TANC2: variants seen among roughly 807,000 people sequenced by gnomAD.
The protein encoded by TANC2 is protein TANC2.
In TANC2, 26 loss-of-function variants were observed where a neutral mutation model predicts 210.5. The ratio of observed to expected loss-of-function variants is 0.12; its 90% CI spans 0.09 to 0.17. The LOEUF (loss-of-function observed/expected upper bound fraction) is 0.17. TANC2 is among the 10% of genes least tolerant of loss of function. The probability of loss-of-function intolerance (pLI) is 1.00; values close to 1 mark genes in which losing one functional copy is unlikely to be tolerated. For missense variants in TANC2, 2,129 were observed against 2,608.9 expected (o/e 0.82, Z 4.01); for synonymous variants, 931 against 967.1 (o/e 0.96, Z 0.69).
intron 5 of TANC2, among the ~76,000 whole-genome samples, chr17:63,162,683 T>TAG (rs909464421): frequency 8.5e-5 from 13 of 152,074 alleles, no homozygotes; most frequent in Admixed American, 2.6e-4. Flanking sequence ...GGTAAGTAGG[T>TAG]AGATATGGTG....
chr17:63,306,828 C>T (rs1158149930), intron 9 of TANC2, among the ~76,000 whole-genome samples: 1 of 152,096 alleles, frequency 6.6e-6, no homozygotes, highest in Admixed American at 6.5e-5. Context: ...GTGGGACATG[C>T]CTATAGTCCC....
intron 22 of TANC2, 37 bp downstream of exon 22, chr17:63,411,723 G>C: frequency 6.3e-7 from 1 of 1,579,226 alleles, no homozygotes; most frequent in Non-Finnish European, 8.6e-7. Context: ...AGAGCAGAGA[G>C]AGGGGCTATT....
intron 5 of TANC2, among the ~76,000 whole-genome samples, chr17:63,189,069 C>T (rs2041099008): frequency 6.6e-6 from 1 of 152,118 alleles, no homozygotes; most frequent in South Asian, 2.1e-4. Context: ...TAGCACAATA[C>T]TTTCAGTGAG....
At position 63,104,273 on chromosome 17, in the gene TANC2, C is replaced by T. The variant is rs557674269; in HGVS notation, c.322+4916C>T. ...CTTGCCCAGTGCTCCTTCCAAGATG[C>T]TTTCCCATAGTATCATAAAGATCCT... On this transcript the variant is annotated intron_variant, in intron 4 of 27. Transcript: ENST00000689528. Among the ~76,000 whole-genome samples the T allele has an allele frequency of 3.3e-5, 5 of 152,198 alleles. No individual in the cohort carries two copies. In the South Asian group the frequency reaches 1.0e-3, roughly 32 times the overall value.
intron 2 of TANC2, among the ~76,000 whole-genome samples, chr17:63,067,419 T>G (rs994739718): frequency 1.3e-5 from 2 of 152,128 alleles, no homozygotes; most frequent in African/African-American, 4.8e-5. Context: ...GTGTAACATA[T>G]TTCAGCCTGA....
At chr17:63,286,974 C>G (rs567897503) in intron 9 of TANC2, among the ~76,000 whole-genome samples, 1 of 152,202 alleles carries the variant, frequency 6.6e-6, no homozygotes, top group East Asian at 1.9e-4. Context: ...TTGTTATACA[C>G]CCAGCCTGGA....
At chr17:63,197,590 CAAAA>C (rs201090342) in intron 6 of TANC2, 1 of 151,422 alleles carries the variant, frequency 6.6e-6, no homozygotes, top group Non-Finnish European at 1.5e-5. Context: ...CATTTTTCTG[CAAAA>C]AAAACAAAGC....
chr17:63,416,833 G>A (rs573145170), intron 26 of TANC2, among the ~76,000 whole-genome samples: 69 of 152,316 alleles, frequency 4.5e-4, no homozygotes, highest in South Asian at 1.7e-3. Context: ...CCCCAACCCC[G>A]GGAAGGGAGA....
Position 63,421,121 on chromosome 17 carries a change from G to C in TANC2, c.5391G>C (p.Gln1797His). 1 of 1,613,974 alleles carries C rather than the reference G, an allele frequency of 6.2e-7. No individual in the cohort carries two copies. Among genetic ancestry groups the C allele is most frequent in the Non-Finnish European group, 8.5e-7 (1 of 1,179,894 alleles). Residue 1797 changes from glutamine (Q) to histidine (H), a missense_variant, in exon 28 of 28, where the codon CAG becomes CAC. Physicochemically the swap from Gln to His is conservative, Grantham distance 24 (BLOSUM62 0). Coordinates refer to ENST00000689528, the Ensembl canonical transcript of TANC2. The surrounding 1 kb of genome is among the most constrained non-coding windows in gnomAD (Gnocchi z 6.9). ...ACCGAGGTGGCGTGAGATACAGCCA[G>C]ACACCACAGATCGGACGCAGCCAGT... is the stretch of plus-strand genomic sequence containing the variant.
At chr17:63,078,009 T>C (rs1278185301) in intron 3 of TANC2, among the ~76,000 whole-genome samples, 1 of 152,150 alleles carries the variant, frequency 6.6e-6, no homozygotes, top group Admixed American at 6.5e-5. Flanking sequence ...ATCAGAATAA[T>C]GCTGGCCTCA....
At position 63,279,631 on chromosome 17, in the gene TANC2, T is replaced by G. The variant is rs143102189; in HGVS notation, c.1159+11758T>G. ...AAACTCCTGAAACCCCATGCTTTTATATAGCACCTGTCATATCACATAATG... is the reference window on the plus strand; with the variant it reads ...AAACTCCTGAAACCCCATGCTTTTAGATAGCACCTGTCATATCACATAATG... On this transcript the variant is annotated intron_variant, in intron 9 of 27. Transcript: ENST00000689528. 6.1e-4 allele frequency among the ~76,000 whole-genome samples: 93 copies of G among 152,226 alleles called. 3 individuals carry two copies. In the East Asian group the frequency reaches 0.017, roughly 27 times the overall value.
chr17:63,413,646 G>A lies in TANC2; in HGVS notation c.4020+12G>A. The A allele has an allele frequency of 6.3e-7, 1 of 1,578,880 alleles. No individual in the cohort carries two copies. On this transcript the variant is annotated intron_variant, in intron 25 of 27. Coordinates refer to ENST00000689528, the Ensembl canonical transcript of TANC2. ...ACATGTTTTATAAGGTGAGGGGAGG[G>A]AGGGACACAGTTTCTTCAGAACAGC...
chr17:63,273,445 T>A (rs936002831), intron 9 of TANC2, among the ~76,000 whole-genome samples: 13 of 152,196 alleles, frequency 8.5e-5, no homozygotes, highest in African/African-American at 1.7e-4. Context: ...TTCATTTTTT[T>A]ATAAATAATA....
At chr17:63,381,932 A>T (rs185008742) in intron 15 of TANC2, among the ~76,000 whole-genome samples, 15 of 152,324 alleles carry the variant, frequency 9.8e-5, no homozygotes, top group Non-Finnish European at 1.5e-4. Flanking sequence ...CACTTTTTCA[A>T]GCTATTCGAA....
At chr17:63,175,212 A>C (rs1304144109) in intron 5 of TANC2, among the ~76,000 whole-genome samples, 1 of 152,222 alleles carries the variant, frequency 6.6e-6, no homozygotes, top group Non-Finnish European at 1.5e-5. Context: ...CTTATTTTTA[A>C]ATAAAAATGT....
chr17:63,269,449 A>G (rs373009685), intron 9 of TANC2, among the ~76,000 whole-genome samples: 1 of 152,194 alleles, frequency 6.6e-6, no homozygotes, highest in Non-Finnish European at 1.5e-5. Flanking sequence ...AGAAGATTGG[A>G]CAGAACTACT....
At chr17:63,313,595 A>C (rs762881490) in intron 9 of TANC2, 1 of 152,184 alleles carries the variant, frequency 6.6e-6, no homozygotes, top group Non-Finnish European at 1.5e-5. Context: ...TAAGCCAAAA[A>C]TTATTTTTTA....
chr17:63,129,078 C>G (rs1040849999), intron 4 of TANC2, among the ~76,000 whole-genome samples: 5 of 152,094 alleles, frequency 3.3e-5, no homozygotes, highest in African/African-American at 1.2e-4. Context: ...ATGGCTCACA[C>G]TGCAGCCACA....
At chr17:63,295,199 T>C (rs887453474) in intron 9 of TANC2, among the ~76,000 whole-genome samples, 18 of 151,972 alleles carry the variant, frequency 1.2e-4, no homozygotes, top group Non-Finnish European at 2.1e-4. Context: ...GACACCATTT[T>C]TGGTGTCTAC....
Sources: gnomAD v4.1 joint callset for allele counts (sites outside exome capture counted in the v4.1 genomes callset) on GRCh38, gnomAD v4.1.1 for gene constraint, Gnocchi (gnomAD v3.1) non-coding constraint, MANE v1.5 for transcripts, NCBI Gene and HGNC (gene_info 2026-07-23, HGNC 2026-07-21) for gene names.